KIZ: variants seen among roughly 807,000 people sequenced by gnomAD.
KIZ encodes the protein centrosomal protein kizuna.
Under a neutral mutation model 79.6 loss-of-function variants are expected in KIZ, and 68 were observed. The ratio of observed to expected loss-of-function variants is 0.85; its 90% CI spans 0.70 to 1.05. KIZ has a LOEUF of 1.05. Among genes scored for constraint, KIZ ranks in the 50% least tolerant of loss-of-function variants. KIZ has a pLI of 0.00. For missense variants in KIZ, 797 were observed against 800.4 expected (o/e 1.00, Z 0.05); for synonymous variants, 280 against 281.8 (o/e 0.99, Z 0.06).
chr20:21,239,436 T>C (rs1039072908), intron 11 of KIZ, among the ~76,000 whole-genome samples: 2 of 152,202 alleles, frequency 1.3e-5, no homozygotes, highest in African/African-American at 4.8e-5. Flanking sequence ...TCGCTCTGTG[T>C]GTCTTAGGAC....
chr20:21,169,568 C>G (rs892676003), intron 6 of KIZ, among the ~76,000 whole-genome samples: 2 of 152,178 alleles, frequency 1.3e-5, no homozygotes, highest in African/African-American at 4.8e-5. Context: ...ACCCAGCTAT[C>G]CCATTACTGG....
At chr20:21,187,524 G>A (rs2034928724) in intron 6 of KIZ, among the ~76,000 whole-genome samples, 3 of 152,144 alleles carry the variant, frequency 2.0e-5, no homozygotes, top group South Asian at 4.1e-4. Flanking sequence ...AATTCAGTAA[G>A]CCTATCCACC....
At chr20:21,182,565 G>T (rs1406348111) in intron 6 of KIZ, among the ~76,000 whole-genome samples, 1 of 152,280 alleles carries the variant, frequency 6.6e-6, no homozygotes, top group Non-Finnish European at 1.5e-5. Context: ...GGAAGCCAAG[G>T]TGGGCGGATT....
At chr20:21,185,665 C>T (rs941043178) in intron 6 of KIZ, among the ~76,000 whole-genome samples, 2 of 151,344 alleles carry the variant, frequency 1.3e-5, no homozygotes, top group African/African-American at 4.8e-5. Context: ...CCCACCTTAG[C>T]CTCCCAAAGT....
intron 6 of KIZ, among the ~76,000 whole-genome samples, chr20:21,165,447 A>G (rs1041694573): frequency 6.6e-6 from 1 of 152,198 alleles, no homozygotes; most frequent in Non-Finnish European, 1.5e-5. Context: ...TGAGGTTGAG[A>G]AAGGCCTGGA....
intron 9 of KIZ, among the ~76,000 whole-genome samples, chr20:21,228,159 A>G (rs1462296191): frequency 1.3e-5 from 2 of 152,152 alleles, no homozygotes; most frequent in African/African-American, 4.8e-5. Context: ...GCCAGCCCCT[A>G]GCATTGACAG....
intron 3 of KIZ, among the ~76,000 whole-genome samples, chr20:21,137,809 C>A (rs1377277310): frequency 6.6e-6 from 1 of 152,142 alleles, no homozygotes; most frequent in Non-Finnish European, 1.5e-5. Context: ...CAGGGCCTTA[C>A]CATGTCATCC....
intron 1 of KIZ, among the ~76,000 whole-genome samples, chr20:21,128,315 G>T (rs1167885291): frequency 6.6e-6 from 1 of 152,080 alleles, no homozygotes; most frequent in African/African-American, 2.4e-5. Flanking sequence ...ACCCGGCCTT[G>T]GTTGTACCTT....
intron 9 of KIZ, among the ~76,000 whole-genome samples, chr20:21,227,612 T>C (rs979638693): frequency 6.6e-6 from 1 of 152,204 alleles, no homozygotes; most frequent in African/African-American, 2.4e-5. Flanking sequence ...TTTGATTTTA[T>C]TAATATTATC....
chr20:21,202,691 A>C (rs1463718340), intron 6 of KIZ, among the ~76,000 whole-genome samples: 1 of 152,232 alleles, frequency 6.6e-6, no homozygotes, highest in Non-Finnish European at 1.5e-5. Context: ...AAGTAAAAGG[A>C]ATCATAGGGT....
In KIZ at chr20:21,126,098, T is replaced by C; in HGVS notation, c.-18T>C. ...CGGCCACCCAGAGGCTGTGCTGAGC[T>C]GGCGCAGCGGCAGCAGCATGAGCCG... On this transcript the variant is annotated 5_prime_UTR_variant, in exon 1 of 13. Coordinates refer to ENST00000619189, the MANE Select transcript of KIZ (RefSeq NM_018474.6). 1 of 1,506,748 alleles carries C rather than the reference T, an allele frequency of 6.6e-7. No homozygotes were observed. Among genetic ancestry groups the C allele is most frequent in the Non-Finnish European group, 8.9e-7 (1 of 1,128,730 alleles). 93.3% of individuals were successfully genotyped at this position (1,506,748 alleles called of 1,614,324 possible).
chr20:21,191,989 G>A (rs58479432), intron 6 of KIZ, among the ~76,000 whole-genome samples: 3,043 of 152,236 alleles, frequency 0.02, 100 homozygotes, highest in African/African-American at 0.068. Flanking sequence ...GTTGGGAACT[G>A]TCCAACCCCA....
chr20:21,214,541 G>A lies in KIZ; in HGVS notation c.1453G>A (p.Ala485Thr). The A allele has an allele frequency of 3.1e-6, 5 of 1,612,614 alleles. No individual in the cohort carries two copies. The highest frequency in any genetic ancestry group is 1.7e-4 in the Middle Eastern group (1 of 6,012). ...TTTTTTTGAAACACTGTAGGCAACA[G>A]CATTATTGAGAAAAGCCCTTACAGA... Reference protein sequence around the residue: ...HDNSVKEEATALLRKALTEEC... With the variant: ...HDNSVKEEATTLLRKALTEEC... Residue 485 changes from alanine (A) to threonine (T), a missense_variant, in exon 8 of 13, where the codon GCA (alanine) becomes ACA (threonine). Transcript: ENST00000619189.
At chr20:21,160,724 G>C (rs1461043454) in intron 4 of KIZ, among the ~76,000 whole-genome samples, 1 of 152,162 alleles carries the variant, frequency 6.6e-6, no homozygotes, top group African/African-American at 2.4e-5. Flanking sequence ...AATCCCCAAG[G>C]TGATGGTTTT....
chr20:21,194,807 A>G (rs2123065966), intron 6 of KIZ: 1 of 152,114 alleles, frequency 6.6e-6, no homozygotes, highest in African/African-American at 2.4e-5. Context: ...CTGGGCAACA[A>G]AGCAAGACCC....
At chr20:21,208,578 C>G (rs1315797259) in intron 7 of KIZ, among the ~76,000 whole-genome samples, 1 of 152,094 alleles carries the variant, frequency 6.6e-6, no homozygotes, top group Non-Finnish European at 1.5e-5. Flanking sequence ...TGGCGGGCGC[C>G]TGTAGTCCCA....
intron 11 of KIZ, among the ~76,000 whole-genome samples, chr20:21,241,472 A>G (rs2037213840): frequency 6.6e-6 from 1 of 152,232 alleles, no homozygotes; most frequent in African/African-American, 2.4e-5. Flanking sequence ...AACCAATCAC[A>G]CAGACAATTA....
At chr20:21,223,322 G>A (rs1420192080) in intron 9 of KIZ, among the ~76,000 whole-genome samples, 1 of 152,160 alleles carries the variant, frequency 6.6e-6, no homozygotes, top group Non-Finnish European at 1.5e-5. Flanking sequence ...TTGTTTTCAG[G>A]TTTAATTGTT....
intron 6 of KIZ, among the ~76,000 whole-genome samples, chr20:21,182,842 ACTT>A (rs1460507136): frequency 6.6e-6 from 1 of 150,376 alleles, no homozygotes; most frequent in African/African-American, 2.5e-5. Context: ...AATATTTTAG[ACTT>A]CTTTTCTCCT....
Sources: allele counts gnomAD v4.1 joint callset (sites outside exome capture counted in the v4.1 genomes callset), GRCh38; gene constraint gnomAD v4.1.1; transcripts MANE v1.5; gene names NCBI Gene and HGNC (gene_info 2026-07-23, HGNC 2026-07-21).